AUTS2: variants seen among roughly 807,000 people sequenced by gnomAD.
The protein encoded by AUTS2 is activator of transcription and developmental regulator AUTS2, also known as autism susceptibility gene 2 protein.
A neutral mutation model predicts 112.4 loss-of-function variants in AUTS2; 17 were observed. That is an observed-to-expected ratio of 0.15 (90% CI 0.10 to 0.23). AUTS2 has a LOEUF of 0.23. AUTS2 is among the 10% of genes least tolerant of loss of function. AUTS2 has a pLI of 1.00. For missense variants in AUTS2, 1,510 were observed against 1,701.6 expected (o/e 0.89, Z 1.98); for synonymous variants, 751 against 702.7 (o/e 1.07, Z -1.09).
chr7:70,529,826 A>G (rs1369034775), intron 5 of AUTS2, among the ~76,000 whole-genome samples: 1 of 152,246 alleles, frequency 6.6e-6, no homozygotes, highest in African/African-American at 2.4e-5. Context: ...CTTTGTGTCT[A>G]TTCAGGAATA....
At chr7:69,731,335 A>G (rs1786782631) in intron 1 of AUTS2, among the ~76,000 whole-genome samples, 1 of 152,182 alleles carries the variant, frequency 6.6e-6, no homozygotes, top group African/African-American at 2.4e-5. Flanking sequence ...GGGCTTTGAC[A>G]GAGAGACTTG....
chr7:69,672,538 A>G (rs1481214417), intron 1 of AUTS2, among the ~76,000 whole-genome samples: 1 of 152,250 alleles, frequency 6.6e-6, no homozygotes, highest in East Asian at 1.9e-4. Flanking sequence ...ATAAGGGGTC[A>G]AGATCATGTG....
At chr7:69,676,355 A>G (rs1796563607) in intron 1 of AUTS2, among the ~76,000 whole-genome samples, 1 of 152,212 alleles carries the variant, frequency 6.6e-6, no homozygotes, top group Admixed American at 6.5e-5. Flanking sequence ...TCTCCCCTCC[A>G]TTGAGATCAC....
intron 5 of AUTS2, among the ~76,000 whole-genome samples, chr7:70,627,607 A>G (rs1360869180): frequency 6.6e-6 from 1 of 152,248 alleles, no homozygotes; most frequent in Non-Finnish European, 1.5e-5. Flanking sequence ...CTAGTTTGGT[A>G]ACTGCCCTCG....
chr7:70,512,909 G>A (rs1267644935), intron 5 of AUTS2, among the ~76,000 whole-genome samples: 1 of 151,700 alleles, frequency 6.6e-6, no homozygotes, highest in Non-Finnish European at 1.5e-5. Flanking sequence ...AGTAGGTCTT[G>A]GACAAGTGAG....
At chr7:70,078,864 G>A (rs537292315) in intron 2 of AUTS2, among the ~76,000 whole-genome samples, 12 of 152,290 alleles carry the variant, frequency 7.9e-5, no homozygotes, top group South Asian at 2.1e-4. Context: ...TTAAATTCTC[G>A]TCTGCTCTCA....
intron 1 of AUTS2, among the ~76,000 whole-genome samples, chr7:69,843,424 A>G (rs1792065367): frequency 6.6e-6 from 1 of 152,146 alleles, no homozygotes; most frequent in Non-Finnish European, 1.5e-5. Context: ...AGAGGTCAAA[A>G]TTTAGGAAGT....
intron 2 of AUTS2, 97 bp from the exon 3 acceptor site, chr7:70,118,035 A>C: frequency 3.6e-6 from 5 of 1,388,680 alleles, no homozygotes; most frequent in Non-Finnish European, 4.7e-6. Context: ...GGCGTGAGCC[A>C]CCGTGCCTGG....
At chr7:70,562,422 C>T (rs1801528681) in intron 5 of AUTS2, among the ~76,000 whole-genome samples, 1 of 152,198 alleles carries the variant, frequency 6.6e-6, no homozygotes, top group African/African-American at 2.4e-5. Flanking sequence ...ACCCGTTACT[C>T]CTACTGAAAA....
intron 5 of AUTS2, among the ~76,000 whole-genome samples, chr7:70,479,432 G>T (rs1382299003): frequency 6.6e-6 from 1 of 152,132 alleles, no homozygotes; most frequent in Admixed American, 6.5e-5. Context: ...ACTTCTCCCC[G>T]AAATACACCA....
chr7:70,435,930 A>G, intron 5 of AUTS2, 149 bp downstream of exon 5: 1 of 767,120 alleles, frequency 1.3e-6, no homozygotes, highest in Non-Finnish European at 2.1e-6. Context: ...ACACAGTGAC[A>G]TTTCCTATGC....
At chr7:70,007,358 T>C (rs533558879) in intron 2 of AUTS2, among the ~76,000 whole-genome samples, 25 of 152,290 alleles carry the variant, frequency 1.6e-4, no homozygotes, top group African/African-American at 5.5e-4. Flanking sequence ...TACAAAGTCA[T>C]CCATAATTCC....
intron 4 of AUTS2, among the ~76,000 whole-genome samples, chr7:70,268,336 A>G (rs755029155): frequency 6.6e-6 from 1 of 152,228 alleles, no homozygotes; most frequent in Non-Finnish European, 1.5e-5. Flanking sequence ...TAAATGCTCC[A>G]CATATCAGCC....
At chr7:70,448,379 T>G (rs1424378897) in intron 5 of AUTS2, among the ~76,000 whole-genome samples, 1 of 152,182 alleles carries the variant, frequency 6.6e-6, no homozygotes, top group Non-Finnish European at 1.5e-5. Flanking sequence ...GAGCCATAGA[T>G]AAGCATGGCT....
intron 18 of AUTS2, among the ~76,000 whole-genome samples, chr7:70,789,477 C>T (rs1303489760): frequency 1.3e-5 from 2 of 152,140 alleles, no homozygotes; most frequent in African/African-American, 4.8e-5. Flanking sequence ...GGTTGAGGCT[C>T]TTAACATGCA....
At chr7:70,355,029 GGT>G (rs949644485) in intron 4 of AUTS2, among the ~76,000 whole-genome samples, 4 of 135,910 alleles carry the variant, frequency 2.9e-5, no homozygotes, top group Middle Eastern at 4.0e-3. Context: ...TGTGTGTATG[GGT>G]GTGTGTGTAT....
chr7:69,727,631 A>T (rs1786582153), intron 1 of AUTS2, among the ~76,000 whole-genome samples: 1 of 152,038 alleles, frequency 6.6e-6, no homozygotes, highest in Non-Finnish European at 1.5e-5. Flanking sequence ...TTGCTTGTTT[A>T]TGTCTATTTC....
intron 5 of AUTS2, among the ~76,000 whole-genome samples, chr7:70,547,553 G>A (rs1439033322): frequency 2.0e-5 from 3 of 152,062 alleles, no homozygotes; most frequent in South Asian, 2.1e-4. Context: ...GTGCCCGGCC[G>A]TAATGTGTGG....
intron 5 of AUTS2, among the ~76,000 whole-genome samples, chr7:70,650,332 G>GT (rs964662832): frequency 4.6e-5 from 7 of 152,194 alleles, no homozygotes; most frequent in Admixed American, 3.3e-4. Flanking sequence ...AACAGGGGAA[G>GT]ACCACCTGCC....
Sources: allele counts gnomAD v4.1 joint callset (sites outside exome capture counted in the v4.1 genomes callset), GRCh38; gene constraint gnomAD v4.1.1; transcripts MANE v1.5; gene names NCBI Gene and HGNC (gene_info 2026-07-23, HGNC 2026-07-21).